Variants in PER3 observed in about 807,000 individuals in gnomAD.
PER3 encodes the protein period circadian protein homolog 3.
PER3 carries 107 observed loss-of-function variants against 127.2 expected under a neutral mutation model. The observed-to-expected ratio is 0.84, with a 90% CI of 0.72 to 0.99. PER3 has a LOEUF of 0.99. Ranked by LOEUF, PER3 falls within the 50% of genes least tolerant of loss-of-function variation. The pLI is 0.00. For missense variants in PER3, 1,560 were observed against 1,525.8 expected (o/e 1.02, Z -0.37); for synonymous variants, 618 against 585.8 (o/e 1.05, Z -0.79).
At chr1:7,803,481 A>G (rs1280036408) in intron 9 of PER3, among the ~76,000 whole-genome samples, 1 of 151,680 alleles carries the variant, frequency 6.6e-6, no homozygotes, top group African/African-American at 2.4e-5. Flanking sequence ...TCAGCTACTC[A>G]GGAGGCTGAG....
At chr1:7,816,571 A>T (rs2097252459) in intron 13 of PER3, among the ~76,000 whole-genome samples, 1 of 152,260 alleles carries the variant, frequency 6.6e-6, no homozygotes, top group South Asian at 2.1e-4. Context: ...TAAATAGCAT[A>T]TGAAAAGATG....
rs746609411 is a variant in PER3, at chr1:7,808,957, A to G, written c.1201A>G (p.Ile401Val). ...AAAGATGAACGATAATGACAAAGACATAACAGAATTACAAGAACAAATTTA... is the reference window on the plus strand; with the variant it reads ...AAAGATGAACGATAATGACAAAGACGTAACAGAATTACAAGAACAAATTTA... ...IKKMNDNDKD[I>V]TELQEQIYKL... Residue 401 changes from isoleucine to valine, a missense_variant, in exon 11 of 22, where the codon ATA (isoleucine) becomes GTA (valine). Ile to Val is a conservative substitution (Grantham distance 29). This residue lies in a region of PER3 where 1,332 missense variants were observed against 1,223.6 expected (regional missense o/e 1.09). Coordinates refer to ENST00000377532, the MANE Select transcript of PER3 (RefSeq NM_001377275.1). 14 of 1,594,764 alleles carry G rather than the reference A, an allele frequency of 8.8e-6. No homozygotes were observed. The highest frequency in any genetic ancestry group is 5.4e-5 in the African/African-American group (4 of 74,500).
At chr1:7,799,526 C>A (rs1298689110) in intron 7 of PER3, among the ~76,000 whole-genome samples, 1 of 151,504 alleles carries the variant, frequency 6.6e-6, no homozygotes, top group African/African-American at 2.4e-5. Flanking sequence ...ACTGCTTGAA[C>A]CGGGACCCGG....
chr1:7,789,768 C>T (rs1455551959), intron 5 of PER3, among the ~76,000 whole-genome samples: 1 of 152,106 alleles, frequency 6.6e-6, no homozygotes, highest in African/African-American at 2.4e-5. Context: ...GGTAGCTTTG[C>T]GTGTTTCTTC....
chr1:7,834,904 G>T (rs1025186183), intron 19 of PER3, among the ~76,000 whole-genome samples: 4 of 152,152 alleles, frequency 2.6e-5, no homozygotes, highest in African/African-American at 9.7e-5. Flanking sequence ...TCAAATGCAA[G>T]ATAGGAAAGG....
At chr1:7,785,249 A>C (rs2097081286) in intron 2 of PER3, among the ~76,000 whole-genome samples, 192 bp from the exon 3 acceptor site, 1 of 152,140 alleles carries the variant, frequency 6.6e-6, no homozygotes, top group Non-Finnish European at 1.5e-5. Flanking sequence ...AAGGGAAAGT[A>C]AGTGGAGAAT....
At chr1:7,831,270 A>G (rs2097330433) in intron 19 of PER3, among the ~76,000 whole-genome samples, 1 of 152,234 alleles carries the variant, frequency 6.6e-6, no homozygotes, top group Non-Finnish European at 1.5e-5. Flanking sequence ...TGTTGTTAGC[A>G]TATAGAAATT....
intron 2 of PER3, 121 bp downstream of exon 2, chr1:7,785,126 G>A (rs2097080319): frequency 9.4e-7 from 1 of 1,068,044 alleles, no homozygotes; most frequent in African/African-American, 1.6e-5. Flanking sequence ...GTGTAAAGGG[G>A]AGACTCGGGC....
In PER3 at chr1:7,794,903, A is replaced by G. The variant is rs6701675; in HGVS notation, c.644+895A>G. ...TTCTGTTATGTTATATATTATGTAT[A>G]TAAGATGATATAATAATATGTTCTT... is the stretch of plus-strand genomic sequence containing the variant. On this transcript the variant is annotated intron_variant, in intron 6 of 21. Transcript: ENST00000377532. 4.4e-3 allele frequency among the ~76,000 whole-genome samples: 667 copies of G among 151,246 alleles called. 5 individuals are homozygous for G. Among genetic ancestry groups the G allele is most frequent in the African/African-American group, 0.015 (609 of 41,330 alleles).
At chr1:7,823,523 T>C (rs749807877) in intron 16 of PER3, among the ~76,000 whole-genome samples, 2 of 151,942 alleles carry the variant, frequency 1.3e-5, no homozygotes, top group Non-Finnish European at 2.9e-5. Context: ...ATGCCTGTAA[T>C]CCCAGCTACT....
Position 7,844,991 on chromosome 1 carries a change from A to G in PER3, c.*2236A>G, listed in dbSNP as rs544902841. On this transcript the variant is annotated 3_prime_UTR_variant, in exon 22 of 22. Coordinates refer to ENST00000377532, the MANE Select transcript of PER3 (RefSeq NM_001377275.1). ...TTATGAAAAACAAAATGCTGTATGA[A>G]TGGAAATCATTTTGCAATTGAGTGA... The G allele has an allele frequency of 1.4e-4, 22 of 152,508 alleles. No individual in the cohort carries two copies. Among genetic ancestry groups the G allele is most frequent in the African/African-American group, 5.0e-4 (21 of 41,588 alleles). 9.4% of individuals were successfully genotyped at this position (152,508 alleles called of 1,614,324 possible).
Position 7,803,053 on chromosome 1 carries a change from G to C in PER3, c.879G>C (p.Val293=). The C allele has an allele frequency of 6.3e-7, 1 of 1,587,042 alleles. No homozygotes were observed. The highest frequency in any genetic ancestry group is 1.3e-5 in the African/African-American group (1 of 74,462). The change falls in exon 9 of 22, where the codon GTG becomes GTC. Residue 293 remains valine, a synonymous_variant. Transcript: ENST00000377532. ...TTGTGTATCTGTATCCCAGAGCAGTGCCTTTGCTGGGTTACCTACCTCAGG... is the reference window on the plus strand; with the variant it reads ...TTGTGTATCTGTATCCCAGAGCAGTCCCTTTGCTGGGTTACCTACCTCAGG... ...CVFLEVDEKA[V]PLLGYLPQDL... is the part of the protein sequence containing the mutation.
intron 10 of PER3, among the ~76,000 whole-genome samples, chr1:7,807,786 G>C (rs751652187): frequency 1.3e-5 from 2 of 152,170 alleles, no homozygotes; most frequent in Non-Finnish European, 1.5e-5. Context: ...GTGGACTCTG[G>C]AGCCCAGACT....
intron 11 of PER3, among the ~76,000 whole-genome samples, chr1:7,809,339 GT>G (rs1466990475): frequency 1.3e-5 from 2 of 152,188 alleles, no homozygotes; most frequent in Non-Finnish European, 2.9e-5. Context: ...GAGAGGGATG[GT>G]AGGTCTCAGT....
At chr1:7,806,359 G>A (rs576460617) in intron 10 of PER3, among the ~76,000 whole-genome samples, 67 of 152,248 alleles carry the variant, frequency 4.4e-4, no homozygotes, top group Non-Finnish European at 7.4e-4. Context: ...GGAGACTGCA[G>A]CCAAGTTTTC....
chr1:7,834,721 G>A (rs1316008292), intron 19 of PER3, among the ~76,000 whole-genome samples: 1 of 152,110 alleles, frequency 6.6e-6, no homozygotes, highest in Non-Finnish European at 1.5e-5. Context: ...GCCTCCCAAA[G>A]TGCCAGGATT....
At position 7,785,521 on chromosome 1, in the gene PER3, G is replaced by A. The variant is rs1202231467; in HGVS notation, c.209G>A (p.Arg70Lys). Reference protein sequence around the residue: ...QEMKKYFPSERRNKPSTLDAL... With the variant: ...QEMKKYFPSEKRNKPSTLDAL... ...ATGAAAAAATACTTCCCCTCGGAGA[G>A]ACGCAATAAACCAAGCACTCTAGAT... Residue 70 changes from arginine (R) to lysine (K), a missense_variant, in exon 3 of 22, where the codon AGA (arginine) becomes AAA (lysine). Arg to Lys is a conservative substitution (Grantham distance 26, BLOSUM62 2). This residue lies in a region of PER3 where 1,332 missense variants were observed against 1,223.6 expected (regional missense o/e 1.09). Coordinates refer to ENST00000377532, the MANE Select transcript of PER3 (RefSeq NM_001377275.1). 1.2e-6 allele frequency: 2 copies of A among 1,612,404 alleles called. No individual in the cohort carries two copies. The highest frequency in any genetic ancestry group is 2.2e-5 in the East Asian group (1 of 44,884).
chr1:7,811,160 C>T (rs2097217550), intron 13 of PER3, among the ~76,000 whole-genome samples: 1 of 152,174 alleles, frequency 6.6e-6, no homozygotes, highest in South Asian at 2.1e-4. Context: ...ATATAGAAAT[C>T]AAATTAGATT....
chr1:7,826,712 T>G lies in PER3; in HGVS notation c.2188+2T>G. The G allele has an allele frequency of 6.4e-7, 1 of 1,562,108 alleles. No individual in the cohort carries two copies. Among genetic ancestry groups the G allele is most frequent in the Non-Finnish European group, 8.8e-7 (1 of 1,133,074 alleles). On this transcript the variant is annotated splice_donor_variant, in intron 17 of 21. Coordinates refer to ENST00000377532, the MANE Select transcript of PER3 (RefSeq NM_001377275.1). LOFTEE classifies it high-confidence loss of function. The surrounding 1 kb of genome is among the most constrained non-coding windows in gnomAD (Gnocchi z 4.2). ...AAGCTAAATATTCATATTTTCAAGGTACGTAATTTTTTAAAAATAAATGCC... is the reference window on the plus strand; with the variant it reads ...AAGCTAAATATTCATATTTTCAAGGGACGTAATTTTTTAAAAATAAATGCC...
Sources: allele counts gnomAD v4.1 joint callset (sites outside exome capture counted in the v4.1 genomes callset), GRCh38; gene constraint gnomAD v4.1.1; regional missense constraint gnomAD v4.1.1; non-coding constraint Gnocchi (gnomAD v3.1); transcripts MANE v1.5; gene names NCBI Gene and HGNC (gene_info 2026-07-23, HGNC 2026-07-21).